CPVL: variants seen among roughly 807,000 people sequenced by gnomAD.
CPVL encodes carboxypeptidase vitellogenic like.
CPVL carries 51 observed loss-of-function variants against 63.7 expected under a neutral mutation model. That is an observed-to-expected ratio of 0.80 (90% CI 0.64 to 1.01). The LOEUF (loss-of-function observed/expected upper bound fraction) is 1.01. Among genes scored for constraint, CPVL ranks in the 50% least tolerant of loss-of-function variants. The pLI, the probability that CPVL is intolerant of heterozygous loss-of-function variation, is 0.00. For synonymous variants in CPVL, 195 were observed against 206.0 expected (o/e 0.95, Z 0.46); for missense variants, 530 against 573.1 (o/e 0.92, Z 0.77).
chr7:29,168,090 T>C (rs1796150954), intron 5 of CPVL, among the ~76,000 whole-genome samples: 1 of 152,208 alleles, frequency 6.6e-6, no homozygotes, highest in South Asian at 2.1e-4. Context: ...GGCAACAATA[T>C]TACCTAGCAT....
intron 2 of CPVL, among the ~76,000 whole-genome samples, chr7:29,115,874 G>A (rs760037046): frequency 2.0e-5 from 3 of 152,166 alleles, no homozygotes; most frequent in Non-Finnish European, 2.9e-5. Flanking sequence ...GCACCACACA[G>A]GGTCCACAGA....
chr7:29,108,217 G>A (rs1057129031), intron 3 of CPVL, among the ~76,000 whole-genome samples: 1 of 152,208 alleles, frequency 6.6e-6, no homozygotes, highest in African/African-American at 2.4e-5. Context: ...CCTCCGTGAA[G>A]GGGCCTAGGC....
chr7:29,043,239 C>CT (rs113006758), intron 11 of CPVL, among the ~76,000 whole-genome samples: 103,219 of 146,974 alleles, frequency 0.7, 36,601 homozygotes, highest in Non-Finnish European at 0.78. Flanking sequence ...TTTTCTTTAC[C>CT]TTTTTTTTTT....
At chr7:29,125,637 C>T (rs918196250) in intron 1 of CPVL, among the ~76,000 whole-genome samples, 1 of 152,106 alleles carries the variant, frequency 6.6e-6, no homozygotes, top group Admixed American at 6.5e-5. Context: ...AGGTGATCCA[C>T]CCGCCTCGGC....
chr7:29,149,755 CT>C (rs1227395001), upstream of CPVL, among the ~76,000 whole-genome samples: 2 of 152,104 alleles, frequency 1.3e-5, no homozygotes, highest in African/African-American at 4.8e-5. Flanking sequence ...TGTTCCTTGG[CT>C]TGTGGCAGCA....
At chr7:29,185,115 G>C (rs541861423) in intron 3 of CPVL, among the ~76,000 whole-genome samples, 1 of 152,296 alleles carries the variant, frequency 6.6e-6, no homozygotes, top group East Asian at 1.9e-4. Context: ...TAGCTGTGGT[G>C]TGAAGTATTT....
intron 12 of CPVL, chr7:29,013,347 A>G (rs1406191091): frequency 6.6e-6 from 1 of 152,006 alleles, no homozygotes; most frequent in African/African-American, 2.4e-5. Context: ...TGTGAGAAAT[A>G]ATAAATTGTT....
At chr7:29,005,621 C>T (rs1304957977) in intron 12 of CPVL, among the ~76,000 whole-genome samples, 1 of 152,206 alleles carries the variant, frequency 6.6e-6, no homozygotes, top group Non-Finnish European at 1.5e-5. Context: ...TCCCCTTTCA[C>T]CACATGCAAT....
intron 1 of CPVL, chr7:29,124,928 C>G (rs969179826): frequency 6.6e-6 from 1 of 152,198 alleles, no homozygotes; most frequent in East Asian, 1.9e-4. Context: ...TGGGTATGAC[C>G]TCTTCTGTTT....
chr7:29,174,050 C>G (rs758741477), intron 5 of CPVL, among the ~76,000 whole-genome samples: 3 of 152,118 alleles, frequency 2.0e-5, no homozygotes, highest in Non-Finnish European at 4.4e-5. Context: ...TTCACACACA[C>G]TCCCAAGCTT....
At chr7:29,057,196 T>G (rs1357232570) in intron 11 of CPVL, among the ~76,000 whole-genome samples, 1 of 152,082 alleles carries the variant, frequency 6.6e-6, no homozygotes, top group East Asian at 1.9e-4. Context: ...TCCTGGGTGA[T>G]CCTCTCGCCT....
At chr7:29,028,966 C>CAA (rs59054295) in intron 12 of CPVL, among the ~76,000 whole-genome samples, 1,241 of 88,470 alleles carry the variant, frequency 0.014, 25 homozygotes, top group African/African-American at 0.043. Flanking sequence ...GACTCCATCT[C>CAA]AAAAAAAAAA....
chr7:29,171,987 C>G (rs1185675997), intron 5 of CPVL, among the ~76,000 whole-genome samples: 1 of 152,114 alleles, frequency 6.6e-6, no homozygotes, highest in Non-Finnish European at 1.5e-5. Flanking sequence ...GTGCACAATG[C>G]AGGGTGCAGT....
At chr7:29,104,947 TAAC>T (rs1425310565) in intron 3 of CPVL, among the ~76,000 whole-genome samples, 3 of 152,206 alleles carry the variant, frequency 2.0e-5, no homozygotes, top group Non-Finnish European at 4.4e-5. Context: ...TGGTGATCTA[TAAC>T]ATCACCTTAA....
intron 5 of CPVL, among the ~76,000 whole-genome samples, chr7:29,164,181 T>G (rs923755611): frequency 6.6e-6 from 1 of 152,236 alleles, no homozygotes; most frequent in Admixed American, 6.5e-5. Context: ...GTCTTTTTGA[T>G]TATTGCCATC....
chr7:29,085,986 C>T (rs1033096063), intron 7 of CPVL, among the ~76,000 whole-genome samples: 1 of 152,104 alleles, frequency 6.6e-6, no homozygotes, highest in Non-Finnish European at 1.5e-5. Context: ...GCATTGGGCC[C>T]TGGGATTTAA....
At chr7:29,123,597 G>GAAAAAAAA (rs778757980) in intron 1 of CPVL, among the ~76,000 whole-genome samples, 1 of 41,260 alleles carries the variant, frequency 2.4e-5, no homozygotes, top group Non-Finnish European at 4.8e-5. Flanking sequence ...AACTGGTTCA[G>GAAAAAAAA]AAAAAAAAAA....
Position 29,013,697 on chromosome 7 carries a change from G to A in CPVL, c.1320+16880C>T, listed in dbSNP as rs571544633. On this transcript the variant is annotated intron_variant, in intron 12 of 12. Coordinates refer to ENST00000265394, the MANE Select transcript of CPVL (RefSeq NM_031311.5). The stretch of plus-strand genomic sequence containing the variant: ...CTGGGTGGCCTTTGTGGTAGACATA[G>A]AGATGCACCCCACTGGACCTCTCTT... Among the ~76,000 whole-genome samples the A allele has an allele frequency of 1.7e-4, 26 of 152,346 alleles. No homozygotes were observed. In the South Asian group the frequency reaches 5.2e-3, roughly 30 times the overall value.
Position 29,047,552 on chromosome 7 carries a change from C to A in CPVL, c.1137+16509G>T, listed in dbSNP as rs6961550. Among the ~76,000 whole-genome samples the A allele has an allele frequency of 9.4e-3, 1,426 of 152,076 alleles. 25 individuals are homozygous for A. The highest frequency in any genetic ancestry group is 0.031 in the African/African-American group (1,276 of 41,506). On this transcript the variant is annotated intron_variant, in intron 11 of 12. Transcript: ENST00000265394. ...GAAGTCTGGGATTATGTTGAATGAC[C>A]AAACCTAAGAATAATCGGTGTTCCT...
Sources: gnomAD v4.1 joint callset for allele counts (sites outside exome capture counted in the v4.1 genomes callset) on GRCh38, gnomAD v4.1.1 for gene constraint, MANE v1.5 for transcripts, NCBI Gene and HGNC (gene_info 2026-07-23, HGNC 2026-07-21) for gene names.